The following TBC1D23 variants were observed in gnomAD, a reference collection of about 807,000 sequenced individuals.
TBC1D23 encodes TBC1 domain family member 23.
Under a neutral mutation model 91.4 loss-of-function variants are expected in TBC1D23, and 55 were observed. That is an observed-to-expected ratio of 0.60 (90% confidence interval 0.48 to 0.75). TBC1D23 has a LOEUF of 0.75. TBC1D23 is among the 30% of genes least tolerant of loss of function. The pLI, the probability that TBC1D23 is intolerant of heterozygous loss-of-function variation, is 0.00. For synonymous variants in TBC1D23, 289 were observed against 281.0 expected (o/e 1.03, Z -0.28); for missense variants, 725 against 836.1 (o/e 0.87, Z 1.64).
At position 100,323,730 on chromosome 3, in the gene TBC1D23, C is replaced by T. The variant is rs1705905764; in HGVS notation, c.*62C>T. On this transcript the variant is annotated 3_prime_UTR_variant, in exon 19 of 19. Coordinates refer to ENST00000394144, the MANE Select transcript of TBC1D23 (RefSeq NM_001199198.3). ...CCAAGAGAAACATGGACATATACCT[C>T]CTGACTGAATACTAACTGGAGACCT... is the stretch of plus-strand genomic sequence containing the variant. 1 of 767,046 alleles carries T rather than the reference C, an allele frequency of 1.3e-6. No homozygotes were observed. The allele number at this position is 767,046 out of a possible 1,614,324, so 47.5% of individuals were successfully genotyped here.
intron 1 of TBC1D23, 63 bp from the exon 2 acceptor site, chr3:100,279,585 TG>T: frequency 8.7e-7 from 1 of 1,153,724 alleles, no homozygotes; most frequent in South Asian, 1.5e-5. Context: ...TGCTTATAAA[TG>T]AATCTTGAAT....
intron 1 of TBC1D23, among the ~76,000 whole-genome samples, chr3:100,262,282 G>A (rs1260471884): frequency 6.6e-6 from 1 of 152,076 alleles, no homozygotes; most frequent in African/African-American, 2.4e-5. Flanking sequence ...TGGCGGTGGG[G>A]GCTGGGGCAG....
chr3:100,295,448 G>C, intron 7 of TBC1D23, 100 bp downstream of exon 7: 1 of 853,860 alleles, frequency 1.2e-6, no homozygotes, highest in South Asian at 1.9e-5. Context: ...GTCTAGAAGA[G>C]CTCTGAGGCT....
chr3:100,280,186 G>A (rs536774190), intron 2 of TBC1D23, among the ~76,000 whole-genome samples: 1 of 151,718 alleles, frequency 6.6e-6, no homozygotes, highest in Non-Finnish European at 1.5e-5. Context: ...CCGAGATAGC[G>A]CCACTGCACT....
intron 4 of TBC1D23, among the ~76,000 whole-genome samples, chr3:100,288,178 C>T (rs1334110692): frequency 2.0e-5 from 3 of 150,156 alleles, no homozygotes; most frequent in Admixed American, 6.7e-5. Flanking sequence ...CCAGGGAGGT[C>T]GAGGCTGAAG....
chr3:100,317,828 T>A (rs1270309564), intron 16 of TBC1D23, among the ~76,000 whole-genome samples: 5 of 152,144 alleles, frequency 3.3e-5, no homozygotes, highest in Non-Finnish European at 5.9e-5. Flanking sequence ...TGGACCATAA[T>A]GAAAGTGAGA....
chr3:100,288,782 T>A (rs2067765072), intron 4 of TBC1D23, among the ~76,000 whole-genome samples: 1 of 152,176 alleles, frequency 6.6e-6, no homozygotes, highest in South Asian at 2.1e-4. Flanking sequence ...AATTGAGGAA[T>A]TAGTGAAGCC....
chr3:100,279,796 T>C, intron 2 of TBC1D23, 36 bp downstream of exon 2: 1 of 1,286,198 alleles, frequency 7.8e-7, no homozygotes, highest in African/African-American at 1.5e-5. Flanking sequence ...ATGTAATCAC[T>C]GAAGAATAAT....
intron 1 of TBC1D23, among the ~76,000 whole-genome samples, chr3:100,273,345 C>T (rs546422426): frequency 6.6e-6 from 1 of 152,154 alleles, no homozygotes. Context: ...CATCTCAAGG[C>T]AGAAGAATTT....
chr3:100,295,680 AT>A (rs1314500726), intron 7 of TBC1D23, among the ~76,000 whole-genome samples: 8 of 152,036 alleles, frequency 5.3e-5, no homozygotes, highest in Non-Finnish European at 1.2e-4. Context: ...TGATATTTCA[AT>A]TGTGAAACCT....
At chr3:100,278,798 C>G (rs2067671381) in intron 1 of TBC1D23, among the ~76,000 whole-genome samples, 1 of 152,186 alleles carries the variant, frequency 6.6e-6, no homozygotes, top group South Asian at 2.1e-4. Context: ...ATACTTTTCT[C>G]CTTAAACATC....
chr3:100,266,090 C>G (rs2067555412), intron 1 of TBC1D23, among the ~76,000 whole-genome samples: 1 of 152,094 alleles, frequency 6.6e-6, no homozygotes, highest in African/African-American at 2.4e-5. Flanking sequence ...AGGCTGGATA[C>G]TACTTTTAGA....
intron 1 of TBC1D23, among the ~76,000 whole-genome samples, chr3:100,263,663 A>G (rs2067533489): frequency 6.6e-6 from 1 of 152,250 alleles, no homozygotes; most frequent in Non-Finnish European, 1.5e-5. Context: ...AATCAGTGAC[A>G]GACATTACAA....
intron 1 of TBC1D23, among the ~76,000 whole-genome samples, chr3:100,276,454 T>C (rs1292200312): frequency 6.6e-6 from 1 of 152,190 alleles, no homozygotes; most frequent in Non-Finnish European, 1.5e-5. Flanking sequence ...TTGTTAATCA[T>C]AGAAGCATTT....
At chr3:100,279,618 T>C in intron 1 of TBC1D23, 31 bp from the exon 2 acceptor site, 1 of 1,372,002 alleles carries the variant, frequency 7.3e-7, no homozygotes, top group Non-Finnish European at 1.0e-6. Flanking sequence ...TGAGATAAAG[T>C]TCATTTTAAT....
chr3:100,272,566 AAG>A (rs1167203846), intron 1 of TBC1D23, among the ~76,000 whole-genome samples: 7 of 152,158 alleles, frequency 4.6e-5, no homozygotes, highest in Non-Finnish European at 1.0e-4. Context: ...GGAAAAGAAA[AAG>A]ACACAGAGAC....
intron 4 of TBC1D23, among the ~76,000 whole-genome samples, chr3:100,286,326 G>A (rs1303692831): frequency 6.6e-6 from 1 of 152,162 alleles, no homozygotes; most frequent in East Asian, 1.9e-4. Flanking sequence ...GTTAGGAACA[G>A]TGGGGAAAGA....
chr3:100,320,184 A>G (rs1705824736), intron 17 of TBC1D23, among the ~76,000 whole-genome samples: 1 of 151,966 alleles, frequency 6.6e-6, no homozygotes, highest in Non-Finnish European at 1.5e-5. Context: ...CAATCATCCT[A>G]CAGAATGTTC....
At chr3:100,304,972 C>G in intron 12 of TBC1D23, 84 bp downstream of exon 12, 1 of 769,414 alleles carries the variant, frequency 1.3e-6, no homozygotes, top group Admixed American at 2.3e-5. Context: ...CTGGAGTGGT[C>G]ACATTAGTTA....
Sources: allele counts gnomAD v4.1 joint callset (sites outside exome capture counted in the v4.1 genomes callset), GRCh38; gene constraint gnomAD v4.1.1; transcripts MANE v1.5; gene names NCBI Gene and HGNC (gene_info 2026-07-23, HGNC 2026-07-21).